Variants in PSD3 observed in about 807,000 individuals in gnomAD.
PSD3 encodes PH and SEC7 domain-containing protein 3.
A neutral mutation model predicts 105.5 loss-of-function variants in PSD3; 49 were observed. The ratio of observed to expected loss-of-function variants is 0.46; its 90% CI spans 0.37 to 0.59. PSD3 has a LOEUF of 0.59. Ranked by LOEUF, PSD3 falls within the 20% of genes least tolerant of loss-of-function variation. The pLI, the probability that PSD3 is intolerant of heterozygous loss-of-function variation, is 0.00. For missense variants in PSD3, 1,561 were observed against 1,263.8 expected, an observed-to-expected ratio of 1.24 and a Z score of -3.57; for synonymous variants, 557 against 457.8, an observed-to-expected ratio of 1.22 and a Z score of -2.77.
chr8:18,753,933 T>G (rs1392894772), intron 9 of PSD3, among the ~76,000 whole-genome samples: 1 of 152,176 alleles, frequency 6.6e-6, no homozygotes, highest in Non-Finnish European at 1.5e-5. Flanking sequence ...GATGTACCAT[T>G]TGGAGACCTA....
intron 11 of PSD3, among the ~76,000 whole-genome samples, chr8:18,607,722 G>A (rs970854416): frequency 6.7e-6 from 1 of 149,244 alleles, no homozygotes; most frequent in Non-Finnish European, 1.5e-5. Context: ...AGGAAGTCAG[G>A]TGTATTAGTA....
intron 14 of PSD3, among the ~76,000 whole-genome samples, chr8:18,567,437 G>T (rs575704206): frequency 2.0e-5 from 3 of 152,144 alleles, no homozygotes. Flanking sequence ...TAGTTGGATA[G>T]ATGGAGATGT....
At chr8:18,599,977 C>G (rs1036603411) in intron 12 of PSD3, among the ~76,000 whole-genome samples, 1 of 152,200 alleles carries the variant, frequency 6.6e-6, no homozygotes, top group South Asian at 2.1e-4. Context: ...GCCACCATCA[C>G]TGTTCTCTGG....
intron 1 of PSD3, among the ~76,000 whole-genome samples, chr8:19,055,522 G>T (rs1395256050): frequency 1.3e-5 from 2 of 152,162 alleles, no homozygotes; most frequent in Admixed American, 6.5e-5. Context: ...CAAAGTGCTG[G>T]GATTACAGGC....
At chr8:18,612,725 G>C (rs551619562) in intron 11 of PSD3, among the ~76,000 whole-genome samples, 4 of 152,302 alleles carry the variant, frequency 2.6e-5, no homozygotes, top group Admixed American at 2.6e-4. Context: ...ACTGGGAAGA[G>C]AGCTAAGTGT....
In PSD3 at chr8:18,616,623, C is replaced by CTTTT. The variant is rs1215460486; in HGVS notation, c.2410+15986_2410+15989dup. On this transcript the variant is annotated intron_variant, in intron 11 of 15. Transcript: ENST00000327040. Reference sequence around the variant, plus strand: ...GCCAGGCCTCATCTTCCTCTCTTTTCTTTTCTTTTTTTTTTTTTGAGACGG... The same window carrying CTTTT: ...GCCAGGCCTCATCTTCCTCTCTTTTCTTTTTTTTCTTTTTTTTTTTTTGAGACGG... 5.5e-3 allele frequency among the ~76,000 whole-genome samples: 537 copies of CTTTT among 98,276 alleles called. 33 individuals are homozygous for CTTTT. Among genetic ancestry groups the CTTTT allele is most frequent in the African/African-American group, 5.9e-3 (161 of 27,308 alleles). The allele number at this position is 98,276 out of a possible 152,430, so 64.5% of individuals were successfully genotyped here.
intron 8 of PSD3, among the ~76,000 whole-genome samples, chr8:18,778,174 C>T (rs142317182): frequency 4.6e-5 from 7 of 152,074 alleles, no homozygotes; most frequent in East Asian, 1.9e-4. Flanking sequence ...GTTGCTGGAT[C>T]GAATGAAATT....
chr8:18,776,370 ATG>A (rs1309334022), intron 8 of PSD3, among the ~76,000 whole-genome samples: 2 of 144,002 alleles, frequency 1.4e-5, no homozygotes, highest in Admixed American at 7.1e-5. Flanking sequence ...ATCTAAATAT[ATG>A]TATATATATA....
intron 6 of PSD3, 132 bp from the exon 7 acceptor site, chr8:18,801,514 C>A: frequency 3.6e-6 from 2 of 554,626 alleles, no homozygotes; most frequent in South Asian, 2.6e-5. Flanking sequence ...GTTATCTCCC[C>A]CCAAAAAAAT....
chr8:18,618,228 A>G (rs1805841688), intron 11 of PSD3, among the ~76,000 whole-genome samples: 1 of 141,016 alleles, frequency 7.1e-6, no homozygotes, highest in African/African-American at 2.5e-5. Context: ...CCCTGCTTCC[A>G]GGTGTCCTGC....
rs140506833 is a variant in PSD3, at chr8:18,957,727, T to A, written c.22-21585A>T. 3.0e-3 allele frequency among the ~76,000 whole-genome samples: 460 copies of A among 152,318 alleles called. 3 individuals carry two copies. The highest frequency in any genetic ancestry group is 0.011 in the African/African-American group (439 of 41,574). ...CCTGCTCATCTAGAACACAGCAGTT[T>A]CCGAGGTTCTTATGAGGCTCTCTAG... is the stretch of plus-strand genomic sequence containing the variant. On this transcript the variant is annotated intron_variant, in intron 1 of 15. Coordinates refer to ENST00000327040, the MANE Select transcript of PSD3 (RefSeq NM_015310.4).
intron 2 of PSD3, among the ~76,000 whole-genome samples, chr8:18,918,879 A>T (rs148831848): frequency 6.6e-6 from 1 of 152,086 alleles, no homozygotes; most frequent in African/African-American, 2.4e-5. Flanking sequence ...GTCGTCATTC[A>T]TAAGTGCCAG....
intron 10 of PSD3, among the ~76,000 whole-genome samples, chr8:18,648,478 A>G (rs1808224181): frequency 6.6e-6 from 1 of 152,256 alleles, no homozygotes; most frequent in Admixed American, 6.5e-5. Flanking sequence ...ATTTCTAAGC[A>G]GCAAAGCATT....
chr8:18,667,365 G>A (rs939035247), intron 9 of PSD3, among the ~76,000 whole-genome samples: 1 of 152,148 alleles, frequency 6.6e-6, no homozygotes, highest in East Asian at 1.9e-4. Context: ...CCCTGAGCTA[G>A]ACACAAAGTG....
In PSD3 at chr8:18,906,081, G is replaced by T. The variant is rs138790122; in HGVS notation, c.130+29953C>A. Among the ~76,000 whole-genome samples, 26 of 152,208 alleles carry T rather than the reference G, an allele frequency of 1.7e-4. No individual in the cohort carries two copies. The East Asian group carries it at 5.0e-3, about 29-fold the overall frequency. The stretch of plus-strand genomic sequence containing the variant: ...GGATAACAGTTGTATCTGAAAGACC[G>T]GCAAAAATATAATACACTGATTTTT... On this transcript the variant is annotated intron_variant, in intron 2 of 15. Transcript: ENST00000327040.
At chr8:18,696,267 C>G (rs1206641780) in intron 9 of PSD3, among the ~76,000 whole-genome samples, 1 of 152,354 alleles carries the variant, frequency 6.6e-6, no homozygotes, top group Non-Finnish European at 1.5e-5. Flanking sequence ...ACGACTCAGT[C>G]TGTTCCCCAG....
chr8:18,993,249 G>A (rs923739171), intron 1 of PSD3, among the ~76,000 whole-genome samples: 3 of 151,980 alleles, frequency 2.0e-5, no homozygotes, highest in African/African-American at 4.8e-5. Context: ...TAACTATTAC[G>A]TCCACTAAGT....
At position 18,872,497 on chromosome 8, in the gene PSD3, G is replaced by C. The variant is rs1220858933; in HGVS notation, c.367C>G (p.Leu123Val). 3.7e-6 allele frequency: 6 copies of C among 1,614,022 alleles called. No homozygotes were observed. In the East Asian group the frequency reaches 6.7e-5, roughly 18 times the overall value. Residue 123 changes from leucine (L) to valine (V), a missense_variant, in exon 3 of 16, where the codon CTC becomes GTC. Coordinates refer to ENST00000327040, the MANE Select transcript of PSD3 (RefSeq NM_015310.4). ...ATGGGCTGTAAACTTTGTTCCTTGA[G>C]ATGACTTTGAGAGGGGGCCTCTCTG... ...DVREAPSQSH[L>V]KEQSLQPIDS...
chr8:18,641,590 C>T (rs142703916), intron 10 of PSD3, among the ~76,000 whole-genome samples: 41 of 152,192 alleles, frequency 2.7e-4, no homozygotes, highest in African/African-American at 5.1e-4. Context: ...TGATAAACTA[C>T]GGTGGTTGTT....
Sources: allele counts gnomAD v4.1 joint callset (sites outside exome capture counted in the v4.1 genomes callset), GRCh38; gene constraint gnomAD v4.1.1; transcripts MANE v1.5; gene names NCBI Gene and HGNC (gene_info 2026-07-23, HGNC 2026-07-21).